Variants in PTK2 observed in about 807,000 individuals in gnomAD.
The protein encoded by PTK2 is protein tyrosine kinase 2, also known as focal adhesion kinase 1.
A neutral mutation model predicts 150.1 loss-of-function variants in PTK2; 45 were observed. That is an observed-to-expected ratio of 0.30 (90% CI 0.24 to 0.38). The LOEUF (loss-of-function observed/expected upper bound fraction) is 0.38. PTK2 is among the 10% of genes least tolerant of loss of function. PTK2 has a pLI of 1.00. For synonymous variants in PTK2, 432 were observed against 449.2 expected (o/e 0.96, Z 0.48); for missense variants, 919 against 1,307.3 (o/e 0.70, Z 4.58).
At chr8:140,988,998 G>C (rs932336540) in intron 1 of PTK2, among the ~76,000 whole-genome samples, 3 of 125,198 alleles carry the variant, frequency 2.4e-5, no homozygotes, top group Non-Finnish European at 5.9e-5. Flanking sequence ...ACAGCCTCAG[G>C]GTGGGGAAGA....
At chr8:140,935,678 T>C (rs2154608669) in intron 1 of PTK2, among the ~76,000 whole-genome samples, 1 of 150,720 alleles carries the variant, frequency 6.6e-6, no homozygotes, top group African/African-American at 2.4e-5. Flanking sequence ...GTTCATGTAA[T>C]CTCAATGCTC....
chr8:140,969,308 G>T (rs929852483), intron 1 of PTK2, among the ~76,000 whole-genome samples: 5 of 152,162 alleles, frequency 3.3e-5, no homozygotes, highest in Non-Finnish European at 7.4e-5. Context: ...AGCCAATACT[G>T]AGATGACACA....
At chr8:140,741,446 C>A (rs577356440) in intron 20 of PTK2, among the ~76,000 whole-genome samples, 1 of 150,456 alleles carries the variant, frequency 6.6e-6, no homozygotes, top group African/African-American at 2.4e-5. Context: ...CAGAGTGAGA[C>A]TCTGTCTCAA....
At chr8:140,985,371 C>T (rs1195424777) in intron 1 of PTK2, among the ~76,000 whole-genome samples, 1 of 152,068 alleles carries the variant, frequency 6.6e-6, no homozygotes, top group African/African-American at 2.4e-5. Flanking sequence ...GTGATCCTCC[C>T]GCCCAGGCCT....
intron 27 of PTK2, among the ~76,000 whole-genome samples, chr8:140,685,765 G>C (rs1230245751): frequency 2.0e-5 from 3 of 152,198 alleles, no homozygotes; most frequent in Non-Finnish European, 2.9e-5. Flanking sequence ...TGGAGAAATA[G>C]AACACTTAAG....
intron 2 of PTK2, among the ~76,000 whole-genome samples, chr8:140,918,905 C>A (rs1011079360): frequency 6.6e-6 from 1 of 152,142 alleles, no homozygotes; most frequent in African/African-American, 2.4e-5. Context: ...TCAGCCAATT[C>A]CTATACACCA....
intron 1 of PTK2, among the ~76,000 whole-genome samples, chr8:140,967,461 C>CTTTT (rs137959476): frequency 2.5e-5 from 3 of 121,526 alleles, no homozygotes; most frequent in African/African-American, 6.0e-5. Flanking sequence ...TTCTTTCTTT[C>CTTTT]TTTTTTTTTT....
At chr8:140,772,092 C>T (rs539424938) in intron 14 of PTK2, among the ~76,000 whole-genome samples, 65 of 152,042 alleles carry the variant, frequency 4.3e-4, no homozygotes, top group Admixed American at 4.3e-3. Context: ...CCCGGCCGAT[C>T]CCAGTAACAT....
In PTK2 at chr8:140,686,282, A is replaced by AAC. The variant is rs1175766361; in HGVS notation, c.2562+348_2562+349dup. On this transcript the variant is annotated intron_variant, in intron 27 of 31. Transcript: ENST00000522684. ...AGGGTGAGAGGAGGGTGAGGATCAA[A>AAC]ACACTACCTATCAGGTATTATGCTT... Among the ~76,000 whole-genome samples, 12 of 152,258 alleles carry AAC rather than the reference A, an allele frequency of 7.9e-5. No individual in the cohort carries two copies. The South Asian group carries it at 1.9e-3, about 24-fold the overall frequency.
intron 3 of PTK2, among the ~76,000 whole-genome samples, chr8:140,883,142 T>A (rs1342069440): frequency 6.6e-6 from 1 of 152,198 alleles, no homozygotes; most frequent in Non-Finnish European, 1.5e-5. Context: ...TTCACCACTG[T>A]TCGAAATAGG....
intron 1 of PTK2, among the ~76,000 whole-genome samples, chr8:140,940,225 G>GA (rs1207961754): frequency 1.3e-5 from 2 of 152,136 alleles, no homozygotes; most frequent in Admixed American, 6.6e-5. Context: ...TGTACATCAG[G>GA]AAAGAAACAC....
intron 14 of PTK2, among the ~76,000 whole-genome samples, chr8:140,773,043 C>T (rs1594957977): frequency 6.6e-6 from 1 of 152,248 alleles, no homozygotes; most frequent in East Asian, 1.9e-4. Context: ...CTCTGGGCAC[C>T]CAGAACAGAG....
At chr8:140,761,521 T>TTAAATTTCCGATTTATTTTATATC (rs1384217582) in intron 15 of PTK2, among the ~76,000 whole-genome samples, 2 of 152,168 alleles carry the variant, frequency 1.3e-5, no homozygotes, top group Admixed American at 1.3e-4. Flanking sequence ...CTAGGAGTTT[T>TTAAATTTCCGATTTATTTTATATC]TAAATTTCCG....
chr8:140,769,691 A>C, intron 14 of PTK2, 99 bp from the exon 16 acceptor site: 1 of 735,040 alleles, frequency 1.4e-6, no homozygotes, highest in Non-Finnish European at 2.0e-6. Context: ...CACTATTAAA[A>C]TGACAAGTAA....
intron 31 of PTK2, among the ~76,000 whole-genome samples, chr8:140,661,812 G>A (rs1465268711): frequency 6.6e-6 from 1 of 152,188 alleles, no homozygotes; most frequent in Non-Finnish European, 1.5e-5. Flanking sequence ...TTGAAGGGCT[G>A]TTACAGCAGA....
intron 26 of PTK2, among the ~76,000 whole-genome samples, chr8:140,696,374 A>AG (rs1284397612): frequency 6.6e-6 from 1 of 152,140 alleles, no homozygotes; most frequent in African/African-American, 2.4e-5. Flanking sequence ...GTGAGAGTGC[A>AG]GGGGGTTGGG....
At chr8:140,674,464 G>A in intron 28 of PTK2, 60 bp from the exon 32 acceptor site, 1 of 1,442,482 alleles carries the variant, frequency 6.9e-7, no homozygotes, top group Non-Finnish European at 9.5e-7. Context: ...AAGAGGCTGG[G>A]GGCAGTGGCT....
At chr8:140,686,548 A>C in intron 27 of PTK2, 84 bp downstream of exon 30, 1 of 1,061,130 alleles carries the variant, frequency 9.4e-7, no homozygotes, top group South Asian at 1.4e-5. Context: ...AATATTAGTA[A>C]ACTTGGATAT....
At chr8:140,709,907 C>T (rs1335237624) in intron 23 of PTK2, among the ~76,000 whole-genome samples, 1 of 152,064 alleles carries the variant, frequency 6.6e-6, no homozygotes, top group East Asian at 1.9e-4. Context: ...TACAGTCAGC[C>T]CTCCATATCC....
Sources: gnomAD v4.1 joint callset for allele counts (sites outside exome capture counted in the v4.1 genomes callset) on GRCh38, gnomAD v4.1.1 for gene constraint, MANE v1.5 for transcripts, NCBI Gene and HGNC (gene_info 2026-07-23, HGNC 2026-07-21) for gene names.